The following LOC400499 variants were observed in gnomAD, a reference collection of about 807,000 sequenced individuals.
At chr16:11,460,338 C>T in the LOC400499 span, 1 of 1,122,756 alleles carries the variant, frequency 8.9e-7, no homozygotes, top group South Asian at 2.0e-5. Flanking sequence ...GACTGAAGTT[C>T]CAGCCCCGGA....
chr16:11,375,090 C>T, the LOC400499 span, among the ~76,000 whole-genome samples: 282 of 151,456 alleles, frequency 1.9e-3, no homozygotes, highest in African/African-American at 6.3e-3. Flanking sequence ...TCAAGTGATT[C>T]GCCCACCCCA....
chr16:11,390,595 G>A, the LOC400499 span: 2 of 677,912 alleles, frequency 3.0e-6, no homozygotes, highest in Non-Finnish European at 4.1e-6. Context: ...GGGGGAACTG[G>A]AACAGAGCAG....
chr16:11,460,407 G>A, the LOC400499 span: 1 of 1,440,726 alleles, frequency 6.9e-7, no homozygotes, highest in Non-Finnish European at 9.2e-7. Context: ...GATGAGTTCA[G>A]GGTACTCAGA....
chr16:11,396,568 G>C, the LOC400499 span: 5 of 1,232,202 alleles, frequency 4.1e-6, no homozygotes, highest in Non-Finnish European at 5.1e-6. Flanking sequence ...GGAGGGTCAG[G>C]CTGAGATGCA....
the LOC400499 span, among the ~76,000 whole-genome samples, chr16:11,516,727 C>T: frequency 6.6e-6 from 1 of 152,120 alleles, no homozygotes; most frequent in African/African-American, 2.4e-5. Flanking sequence ...CTCACTGCAG[C>T]CTCAACCTTA....
the LOC400499 span, among the ~76,000 whole-genome samples, chr16:11,404,398 A>C: frequency 6.6e-6 from 1 of 152,034 alleles, no homozygotes; most frequent in Non-Finnish European, 1.5e-5. Context: ...TCAGGCTGGA[A>C]TGCACTGGCT....
the LOC400499 span, among the ~76,000 whole-genome samples, chr16:11,400,095 CT>C: frequency 6.6e-6 from 1 of 151,858 alleles, no homozygotes. Flanking sequence ...AACACCCAGA[CT>C]CAGCATTTCC....
At chr16:11,485,850 A>G in the LOC400499 span, among the ~76,000 whole-genome samples, 13 of 152,166 alleles carry the variant, frequency 8.5e-5, no homozygotes, top group African/African-American at 3.1e-4. Flanking sequence ...GACTCAGAGG[A>G]TGAAAGATGG....
chr16:11,444,423 G>C, the LOC400499 span, among the ~76,000 whole-genome samples: 2 of 152,076 alleles, frequency 1.3e-5, no homozygotes, highest in Admixed American at 6.6e-5. Context: ...TCTAAGTCAG[G>C]GGTCAGCAAC....
chr16:11,386,141 C>A, the LOC400499 span, among the ~76,000 whole-genome samples: 2 of 152,220 alleles, frequency 1.3e-5, no homozygotes, highest in African/African-American at 4.8e-5. Flanking sequence ...ACAGGTCCCT[C>A]AAACACAAGA....
the LOC400499 span, among the ~76,000 whole-genome samples, chr16:11,517,042 T>A: frequency 1.4e-4 from 22 of 152,210 alleles, no homozygotes; most frequent in African/African-American, 5.1e-4. Flanking sequence ...TAAAGACAGA[T>A]CCTCCAAAAG....
chr16:11,427,187 G>A, the LOC400499 span, among the ~76,000 whole-genome samples: 2 of 150,556 alleles, frequency 1.3e-5, no homozygotes, highest in East Asian at 2.0e-4. Flanking sequence ...GAGAAACCCC[G>A]TCTCTACTAA....
chr16:11,445,801 A>C, the LOC400499 span, among the ~76,000 whole-genome samples: 1 of 150,266 alleles, frequency 6.7e-6, no homozygotes, highest in East Asian at 1.9e-4. Flanking sequence ...ACTAGGGAGG[A>C]CCAAATGAAA....
the LOC400499 span, among the ~76,000 whole-genome samples, chr16:11,503,521 A>T: frequency 2.5e-4 from 38 of 152,286 alleles, no homozygotes; most frequent in African/African-American, 8.9e-4. Flanking sequence ...AGGCTTGGCC[A>T]GGGCCAGGCC....
At chr16:11,427,046 C>T in the LOC400499 span, among the ~76,000 whole-genome samples, 13 of 151,008 alleles carry the variant, frequency 8.6e-5, no homozygotes, top group South Asian at 1.0e-3. Context: ...GGAAGCTACA[C>T]GAGCAAATAA....
At chr16:11,383,873 G>C in the LOC400499 span, 3 of 1,232,200 alleles carry the variant, frequency 2.4e-6, no homozygotes, top group Non-Finnish European at 3.0e-6. Context: ...CCATGGGCCA[G>C]GCTCACACTC....
the LOC400499 span, among the ~76,000 whole-genome samples, chr16:11,381,922 G>A: frequency 6.6e-6 from 1 of 151,310 alleles, no homozygotes; most frequent in Non-Finnish European, 1.5e-5. Context: ...ACTCTAAAGG[G>A]TCCTGTGTCT....
chr16:11,385,727 A>G, the LOC400499 span, among the ~76,000 whole-genome samples: 3 of 152,264 alleles, frequency 2.0e-5, no homozygotes, highest in Non-Finnish European at 4.4e-5. Context: ...TTCTGTTTAC[A>G]TAAAATGTCC....
chr16:11,428,434 A>G, the LOC400499 span, among the ~76,000 whole-genome samples: 2 of 152,062 alleles, frequency 1.3e-5, no homozygotes, highest in Admixed American at 6.5e-5. Flanking sequence ...TCAACCTCCC[A>G]AAGTGTTGAG....
Sources: gnomAD v4.1 joint callset for allele counts (sites outside exome capture counted in the v4.1 genomes callset) on GRCh38, gnomAD v4.1.1 for gene constraint, MANE v1.5 for transcripts.